NPHP4: variants seen among roughly 807,000 people sequenced by gnomAD.
NPHP4 encodes the protein nephrocystin-4.
In NPHP4, 151 loss-of-function variants were observed where a neutral mutation model predicts 155.8. The ratio of observed to expected loss-of-function variants is 0.97; its 90% CI spans 0.85 to 1.11. The LOEUF (loss-of-function observed/expected upper bound fraction) is 1.11, where lower values mean the gene tolerates loss of function less well. Ranked by LOEUF, NPHP4 falls within the 50% of genes least tolerant of loss-of-function variation. NPHP4 has a pLI of 0.00. For missense variants in NPHP4, 1,956 were observed against 1,925.7 expected (o/e 1.02, Z -0.29); for synonymous variants, 845 against 816.8 (o/e 1.03, Z -0.59).
In NPHP4 at chr1:5,874,580, A is replaced by T. The variant is rs752229026; in HGVS notation, c.3122T>A (p.Phe1041Tyr). ...GGGGGCCAGGCTGCCACGCAGGTGG[A>T]ACATGTCCTCCTCCACCGGTGTGTG... ...GLHTPVEEDM[F>Y]HLRGSLAPQL... Residue 1041 changes from phenylalanine to tyrosine, a missense_variant, in exon 22 of 30, where the codon TTC becomes TAC. Coordinates refer to ENST00000378156, the MANE Select transcript of NPHP4 (RefSeq NM_015102.5). 3.1e-6 allele frequency: 5 copies of T among 1,610,476 alleles called. No individual in the cohort carries two copies. In the South Asian group the frequency reaches 5.5e-5, roughly 18 times the overall value.
At chr1:5,977,682 G>A (rs1174522247) in intron 3 of NPHP4, among the ~76,000 whole-genome samples, 2 of 149,904 alleles carry the variant, frequency 1.3e-5, no homozygotes, top group Non-Finnish European at 3.0e-5. Flanking sequence ...CGGCCCGCAG[G>A]GTGGCCAGCC....
Position 5,890,815 on chromosome 1 carries a change from G to A in NPHP4, c.2304+53C>T, listed in dbSNP as rs890446975. The A allele has an allele frequency of 8.4e-6, 13 of 1,548,856 alleles. No homozygotes were observed. The highest frequency in any genetic ancestry group is 1.8e-5 in the Admixed American group (1 of 56,686). ...CAGACAGACGCTGGAAGCGTGACTC[G>A]TCCCATGAGGGACGCAGCACCCACT... On this transcript the variant is annotated intron_variant, in intron 17 of 29. Coordinates refer to ENST00000378156, the MANE Select transcript of NPHP4 (RefSeq NM_015102.5). This position sits in a 1 kb window ranked among gnomAD's most constrained non-coding sequence, Gnocchi z 4.9.
intron 16 of NPHP4, among the ~76,000 whole-genome samples, chr1:5,897,527 G>A (rs189981526): frequency 6.6e-6 from 1 of 152,280 alleles, no homozygotes; most frequent in Admixed American, 6.5e-5. Flanking sequence ...GTCGCTCCCG[G>A]CATTCAAGAA....
intron 18 of NPHP4, among the ~76,000 whole-genome samples, chr1:5,886,316 C>T (rs942518208): frequency 3.3e-5 from 5 of 152,242 alleles, no homozygotes; most frequent in Admixed American, 2.6e-4. Flanking sequence ...TCCAAGTCGA[C>T]TTAACGAGCT....
At chr1:5,888,960 C>A (rs2100886976) in intron 17 of NPHP4, among the ~76,000 whole-genome samples, 1 of 152,334 alleles carries the variant, frequency 6.6e-6, no homozygotes, top group East Asian at 1.9e-4. Flanking sequence ...TAAGACTCTG[C>A]CCTGATGATC....
Position 5,873,354 on chromosome 1 carries a change from A to C in NPHP4, c.3232-19T>G. 1 of 1,608,230 alleles carries C rather than the reference A, an allele frequency of 6.2e-7. No homozygotes were observed. Among genetic ancestry groups the C allele is most frequent in the Non-Finnish European group, 8.5e-7 (1 of 1,174,730 alleles). ...GAGAGGCCTGCAGGAACCGAACAGC[A>C]CAAGCAGGTCAGGAAGCAACACCAT... On this transcript the variant is annotated intron_variant, in intron 22 of 29. Coordinates refer to ENST00000378156, the MANE Select transcript of NPHP4 (RefSeq NM_015102.5).
At chr1:5,917,146 C>G (rs372056060) in intron 11 of NPHP4, among the ~76,000 whole-genome samples, 98 of 152,260 alleles carry the variant, frequency 6.4e-4, no homozygotes, top group African/African-American at 2.3e-3. Context: ...GAATCACCCT[C>G]CCAGCCCTTA....
chr1:5,874,775 C>A, intron 21 of NPHP4, 99 bp downstream of exon 21: 1 of 1,525,652 alleles, frequency 6.6e-7, no homozygotes. Flanking sequence ...GTCAAATCGC[C>A]CCGGCTCTCG....
chr1:5,907,130 G>A lies in NPHP4; in HGVS notation c.1596C>T (p.Ala532=), dbSNP rs1413744771. 3.2e-6 allele frequency: 5 copies of A among 1,551,120 alleles called. No homozygotes were observed. Among genetic ancestry groups the A allele is most frequent in the East Asian group, 2.4e-5 (1 of 41,606 alleles). The change falls in exon 13 of 30, where the codon GCC becomes GCT. Residue 532 remains alanine, a synonymous_variant. Transcript: ENST00000378156. ...PTSQLPHGSQ[A]SPAQAQEFPL... is the part of the protein sequence containing the mutation. ...CGGCACTTACTGCCTGGGCCGGGGA[G>A]GCCTGAGAGCCATGGGGTAGCTGTG...
chr1:5,966,244 C>T (rs1651476968), intron 5 of NPHP4, among the ~76,000 whole-genome samples: 1 of 152,018 alleles, frequency 6.6e-6, no homozygotes, highest in South Asian at 2.1e-4. Context: ...GTGGGTTTGA[C>T]GTTTTGTTTT....
rs1557661383 is a variant in NPHP4 at position 5,889,114 on chromosome 1, C to T, written c.2305-1648G>A. 6.6e-6 allele frequency among the ~76,000 whole-genome samples: 1 copy of T among 152,162 alleles called. No homozygotes were observed. Among genetic ancestry groups the T allele is most frequent in the Non-Finnish European group, 1.5e-5 (1 of 68,038 alleles). On this transcript the variant is annotated intron_variant, in intron 17 of 29. Coordinates refer to ENST00000378156, the MANE Select transcript of NPHP4 (RefSeq NM_015102.5). The surrounding 1 kb of genome is among the most constrained non-coding windows in gnomAD (Gnocchi z 4.2). Reference sequence around the variant, plus strand: ...GAAACTCTTCTCATCGTCGTAGCAACGTGTTACGGCCAGCACCCCCAGGAA... The same window carrying T: ...GAAACTCTTCTCATCGTCGTAGCAATGTGTTACGGCCAGCACCCCCAGGAA...
chr1:5,878,332 C>T (rs966341083), intron 19 of NPHP4, among the ~76,000 whole-genome samples: 3 of 152,258 alleles, frequency 2.0e-5, no homozygotes, highest in African/African-American at 4.8e-5. Context: ...CGGCAAACTG[C>T]TCTGCAGATG....
At chr1:5,976,238 C>T (rs926301689) in intron 3 of NPHP4, among the ~76,000 whole-genome samples, 1 of 152,144 alleles carries the variant, frequency 6.6e-6, no homozygotes, top group Admixed American at 6.5e-5. Context: ...TCTCCATGCA[C>T]CTCAGTGTCC....
intron 11 of NPHP4, among the ~76,000 whole-genome samples, chr1:5,916,957 G>A (rs902219351): frequency 6.6e-6 from 1 of 152,196 alleles, no homozygotes. Flanking sequence ...ATTCACTGAC[G>A]GCAAAATGCA....
At chr1:5,991,808 A>C (rs539646204) in intron 1 of NPHP4, among the ~76,000 whole-genome samples, 200 of 151,352 alleles carry the variant, frequency 1.3e-3, no homozygotes, top group African/African-American at 4.6e-3. Context: ...GGGCGCGGCC[A>C]GGCGGGGTCC....
At chr1:5,931,743 A>C (rs947478975) in intron 10 of NPHP4, among the ~76,000 whole-genome samples, 1 of 151,530 alleles carries the variant, frequency 6.6e-6, no homozygotes, top group Non-Finnish European at 1.5e-5. Context: ...CAAAAAAAAA[A>C]AAAAAAAAAA....
intron 18 of NPHP4, chr1:5,880,515 G>A (rs765639125): frequency 5.9e-5 from 25 of 425,932 alleles, no homozygotes; most frequent in East Asian, 1.8e-4. Context: ...CTCACAGTTC[G>A]CTGCACATGG....
chr1:5,917,496 A>G (rs1213446683), intron 11 of NPHP4, among the ~76,000 whole-genome samples: 1 of 152,200 alleles, frequency 6.6e-6, no homozygotes, highest in East Asian at 1.9e-4. Flanking sequence ...AGCCATGCCT[A>G]ACATCAGCTC....
At chr1:5,879,814 C>T (rs967686053) in intron 19 of NPHP4, among the ~76,000 whole-genome samples, 4 of 98,390 alleles carry the variant, frequency 4.1e-5, no homozygotes, top group African/African-American at 1.5e-4. Context: ...CACACACACG[C>T]AAACACACAC....
Sources: allele counts gnomAD v4.1 joint callset (sites outside exome capture counted in the v4.1 genomes callset), GRCh38; gene constraint gnomAD v4.1.1; non-coding constraint Gnocchi (gnomAD v3.1); transcripts MANE v1.5; gene names NCBI Gene and HGNC (gene_info 2026-07-23, HGNC 2026-07-21).